Variants in MCPH1 observed in about 807,000 individuals in gnomAD.
MCPH1 encodes microcephalin.
MCPH1 carries 104 observed loss-of-function variants against 84.5 expected under a neutral mutation model. The observed-to-expected ratio is 1.23, with a 90% CI of 1.05 to 1.45. The LOEUF (loss-of-function observed/expected upper bound fraction) is 1.45, where lower values mean the gene tolerates loss of function less well. Among genes scored for constraint, MCPH1 ranks in the 40% most tolerant of loss-of-function variants. The pLI is 0.00. For missense variants in MCPH1, 1,498 were observed against 1,005.7 expected (o/e 1.49, Z -6.62); for synonymous variants, 514 against 366.8 (o/e 1.40, Z -4.58).
At chr8:6,596,134 C>T (rs1010774665) in intron 12 of MCPH1, among the ~76,000 whole-genome samples, 11 of 152,120 alleles carry the variant, frequency 7.2e-5, no homozygotes, top group Admixed American at 6.5e-4. Context: ...TGCTGAACAC[C>T]GTAAGCCACG....
intron 12 of MCPH1, among the ~76,000 whole-genome samples, chr8:6,570,953 G>T (rs1052688293): frequency 2.0e-5 from 3 of 151,752 alleles, no homozygotes; most frequent in Non-Finnish European, 4.4e-5. Flanking sequence ...GACTTTGAAG[G>T]GAAGAGCTTT....
At chr8:6,473,965 G>T in intron 9 of MCPH1, 1 of 1,233,294 alleles carries the variant, frequency 8.1e-7, no homozygotes, top group Non-Finnish European at 1.2e-6. Context: ...AGGATGCCGT[G>T]GCTTCTTCAT....
chr8:6,487,386 C>T (rs1810060206), intron 11 of MCPH1, among the ~76,000 whole-genome samples: 1 of 152,238 alleles, frequency 6.6e-6, no homozygotes, highest in South Asian at 2.1e-4. Context: ...CAGTTCATTC[C>T]GTTCACGCCT....
rs1343306707 is a variant in MCPH1 at position 6,499,920 on chromosome 8, T to C, written c.2205T>C (p.Pro735=). 3 of 1,613,602 alleles carry C rather than the reference T, an allele frequency of 1.9e-6. No homozygotes were observed. The Admixed American group carries it at 5.0e-5, about 27-fold the overall frequency. ...CGTTCGAACTGTCTCACCACTTCCC[T>C]GCAGCTCCCGTAAGTCAGATGTTGT... ...EEPFELSHHF[P]AAPLCRSECH... The change falls in exon 12 of 14, where the codon CCT becomes CCC. Residue 735 remains proline, a synonymous_variant. Coordinates refer to ENST00000344683, the MANE Select transcript of MCPH1 (RefSeq NM_024596.5).
At chr8:6,418,210 G>A (rs1483432731) in intron 3 of MCPH1, among the ~76,000 whole-genome samples, 1 of 152,040 alleles carries the variant, frequency 6.6e-6, no homozygotes, top group African/African-American at 2.4e-5. Flanking sequence ...CGAGAAAGGA[G>A]GCCGGAGCTT....
rs1586917142 is a variant in MCPH1, at chr8:6,647,313, T to G, written c.*4264T>G. 1 of 152,228 alleles carries G rather than the reference T, an allele frequency of 6.6e-6. No individual in the cohort carries two copies. Among genetic ancestry groups the G allele is most frequent in the African/African-American group, 2.4e-5 (1 of 41,460 alleles). 9.4% of individuals were successfully genotyped at this position (152,228 alleles called of 1,614,324 possible). On this transcript the variant is annotated 3_prime_UTR_variant, in exon 14 of 14. Transcript: ENST00000344683. ...AGATATGGAGAAACTAGAACTCTCC[T>G]ACATTGCTGGCATGAGTGCAAAATG...
At position 6,454,208 on chromosome 8, in the gene MCPH1, G is replaced by T. The variant is rs115269969; in HGVS notation, c.1826-935G>T. ...TTCATCTGCATCTACATTGTCTATTGGGTTGTGAGCTCCCTAAGTGTGGGA... is the reference window on the plus strand; with the variant it reads ...TTCATCTGCATCTACATTGTCTATTTGGTTGTGAGCTCCCTAAGTGTGGGA... On this transcript the variant is annotated intron_variant, in intron 8 of 13. Coordinates refer to ENST00000344683, the MANE Select transcript of MCPH1 (RefSeq NM_024596.5). Among the ~76,000 whole-genome samples, 680 of 152,232 alleles carry T rather than the reference G, an allele frequency of 4.5e-3. 6 individuals carry two copies. Among genetic ancestry groups the T allele is most frequent in the African/African-American group, 0.015 (628 of 41,546 alleles).
chr8:6,427,577 G>C (rs1801238589), intron 3 of MCPH1, among the ~76,000 whole-genome samples: 1 of 151,828 alleles, frequency 6.6e-6, no homozygotes. Flanking sequence ...CGGCATTCTT[G>C]CTACGTTGCC....
intron 1 of MCPH1, among the ~76,000 whole-genome samples, chr8:6,407,612 G>C (rs1012434646): frequency 2.0e-5 from 3 of 152,198 alleles, no homozygotes; most frequent in African/African-American, 7.2e-5. Context: ...CAAAAGTAAA[G>C]ACTAGAGGCT....
intron 1 of MCPH1, among the ~76,000 whole-genome samples, chr8:6,407,741 C>CT (rs775139840): frequency 6.6e-6 from 1 of 152,168 alleles, no homozygotes; most frequent in Non-Finnish European, 1.5e-5. Flanking sequence ...CTGGAAAATG[C>CT]TTTTAAACAT....
At chr8:6,465,947 G>C (rs6559163) in intron 9 of MCPH1, among the ~76,000 whole-genome samples, 143,231 of 150,354 alleles carry the variant, frequency 0.95, 68,110 homozygotes, top group Non-Finnish European at 0.99. Flanking sequence ...ATCCATCCAT[G>C]CATCCATCCA....
chr8:6,633,229 G>T (rs1308493852), intron 13 of MCPH1, among the ~76,000 whole-genome samples: 1 of 151,982 alleles, frequency 6.6e-6, no homozygotes, highest in South Asian at 2.1e-4. Context: ...AAAATTACAA[G>T]AATTATACAG....
intron 12 of MCPH1, among the ~76,000 whole-genome samples, chr8:6,592,641 T>G (rs2922857): frequency 0.3 from 31,703 of 105,674 alleles, 4,504 homozygotes; most frequent in East Asian, 0.35. Flanking sequence ...TTTTTTTTTT[T>G]TTGTTGCTGT....
intron 12 of MCPH1, among the ~76,000 whole-genome samples, chr8:6,519,349 C>T (rs1255570547): frequency 6.6e-6 from 1 of 152,154 alleles, no homozygotes; most frequent in Non-Finnish European, 1.5e-5. Flanking sequence ...AAACTGCCAC[C>T]ATCCCCGTGT....
chr8:6,605,044 G>A (rs151205171), intron 12 of MCPH1, among the ~76,000 whole-genome samples: 17 of 152,114 alleles, frequency 1.1e-4, no homozygotes, highest in African/African-American at 2.4e-4. Context: ...AGGTCACCCC[G>A]ACAGGACCCT....
intron 12 of MCPH1, among the ~76,000 whole-genome samples, chr8:6,595,181 G>C (rs908937811): frequency 6.6e-6 from 1 of 152,210 alleles, no homozygotes; most frequent in African/African-American, 2.4e-5. Flanking sequence ...TCAGCTGCGA[G>C]GCACTGCCTG....
chr8:6,453,089 G>GA (rs1025050410), intron 8 of MCPH1, among the ~76,000 whole-genome samples: 5 of 152,262 alleles, frequency 3.3e-5, no homozygotes, highest in East Asian at 1.9e-4. Context: ...GACAACCCAT[G>GA]AAAAAACCAC....
chr8:6,524,674 G>C (rs190424176), intron 12 of MCPH1, among the ~76,000 whole-genome samples: 36 of 152,338 alleles, frequency 2.4e-4, no homozygotes, highest in African/African-American at 8.2e-4. Flanking sequence ...TCTTAAGCCT[G>C]CGGAAATTTA....
At chr8:6,523,488 C>T (rs1168322001) in intron 12 of MCPH1, among the ~76,000 whole-genome samples, 1 of 152,174 alleles carries the variant, frequency 6.6e-6, no homozygotes, top group Non-Finnish European at 1.5e-5. Context: ...CCAGAGGAAA[C>T]AAATCCAAGA....
Sources: gnomAD v4.1 joint callset for allele counts (sites outside exome capture counted in the v4.1 genomes callset) on GRCh38, gnomAD v4.1.1 for gene constraint, MANE v1.5 for transcripts, NCBI Gene and HGNC (gene_info 2026-07-23, HGNC 2026-07-21) for gene names.